Variants in ADRA1B observed in about 807,000 individuals in gnomAD.
The protein encoded by ADRA1B is adrenoceptor alpha 1B, also known as alpha-1B adrenergic receptor.
In ADRA1B, 17 loss-of-function variants were observed where a neutral mutation model predicts 17.9. The ratio of observed to expected loss-of-function variants is 0.95; its 90% CI spans 0.65 to 1.42. ADRA1B has a LOEUF of 1.42. Ranked by LOEUF, ADRA1B falls within the 40% of genes most tolerant of loss-of-function variation. The pLI is 0.00. For missense variants in ADRA1B, 681 were observed against 722.1 expected (o/e 0.94, Z 0.65); for synonymous variants, 366 against 327.6 (o/e 1.12, Z -1.27).
chr5:159,982,508 A>G, the ADRA1B span, among the ~76,000 whole-genome samples: 1 of 152,226 alleles, frequency 6.6e-6, no homozygotes, highest in African/African-American at 2.4e-5. Context: ...AATGAGGTAG[A>G]CATTATTACT....
intron 1 of ADRA1B, among the ~76,000 whole-genome samples, chr5:159,923,888 C>A (rs1169531869): frequency 2.6e-5 from 4 of 152,252 alleles, no homozygotes; most frequent in South Asian, 2.1e-4. Flanking sequence ...TGCCTAGAAA[C>A]CCCTGGAAAG....
intron 1 of ADRA1B, among the ~76,000 whole-genome samples, chr5:159,881,894 G>A (rs1753867161): frequency 6.6e-6 from 1 of 152,148 alleles, no homozygotes; most frequent in Non-Finnish European, 1.5e-5. Flanking sequence ...GAGCCATGAA[G>A]TCCTGGAAAG....
chr5:159,947,705 T>C, intron 1 of ADRA1B: 8 of 985,454 alleles, frequency 8.1e-6, no homozygotes, highest in Non-Finnish European at 9.6e-6. Context: ...AAAGGCTCTT[T>C]AAGCTTGAAG....
intron 1 of ADRA1B, chr5:159,955,007 C>G (rs537922914): frequency 5.3e-6 from 2 of 378,838 alleles, no homozygotes; most frequent in South Asian, 2.1e-4. Context: ...GACTGAGAAG[C>G]AAGATAAGGG....
the ADRA1B span, among the ~76,000 whole-genome samples, chr5:159,981,701 T>G: frequency 1.3e-5 from 2 of 152,202 alleles, no homozygotes; most frequent in Non-Finnish European, 2.9e-5. Flanking sequence ...TTTCACCACG[T>G]TAGCCAGGAT....
rs767215435 is a variant in ADRA1B, at chr5:159,971,962, C to A, written c.1033C>A (p.Pro345Thr). The change falls in exon 2 of 2, where the codon CCC becomes ACC. Residue 345 changes from proline to threonine, a missense_variant. Around this residue, in one of 3 missense-constraint regions of ADRA1B, gnomAD observed 424 missense variants for 480.2 expected, o/e 0.88. Transcript: ENST00000306675. ...GGGCTACTTCAACAGCTGCCTCAAC[C>A]CCATCATCTACCCATGCTCCAGCAA... is the stretch of plus-strand genomic sequence containing the variant. Reference protein sequence around the residue: ...WLGYFNSCLNPIIYPCSSKEF... With the variant: ...WLGYFNSCLNTIIYPCSSKEF... 1 of 1,473,512 alleles carries A rather than the reference C, an allele frequency of 6.8e-7. No individual in the cohort carries two copies. The highest frequency in any genetic ancestry group is 2.0e-5 in the Admixed American group (1 of 49,032). 91.3% of individuals were successfully genotyped at this position (1,473,512 alleles called of 1,614,324 possible).
rs184435513 is a variant in ADRA1B, at chr5:159,892,053, A to G, written c.-255-24066A>G. 1.7e-3 allele frequency among the ~76,000 whole-genome samples: 252 copies of G among 152,330 alleles called. 1 individual carries two copies. The highest frequency in any genetic ancestry group is 3.4e-3 in the Middle Eastern group (1 of 294). On this transcript the variant is annotated intron_variant, in intron 1 of 2. Coordinates refer to the ADRA1B transcript ENST00000641205. ...GGAGTTGGACATCAGCCTGGCCAAC[A>G]TGGTGAAACCCCACCTCTACTAAAA... is the stretch of plus-strand genomic sequence containing the variant.
chr5:159,987,321 G>T, the ADRA1B span, among the ~76,000 whole-genome samples: 1 of 152,232 alleles, frequency 6.6e-6, no homozygotes, highest in South Asian at 2.1e-4. Context: ...TCTCTCCTGC[G>T]GGCTCAGCGG....
At chr5:159,986,653 G>C in the ADRA1B span, among the ~76,000 whole-genome samples, 1 of 152,166 alleles carries the variant, frequency 6.6e-6, no homozygotes, top group Admixed American at 6.5e-5. Context: ...ATAGAAATAA[G>C]ACCCAGTAAT....
intron 1 of ADRA1B, chr5:159,950,403 CATGGGGG>C: frequency 1.0e-5 from 7 of 696,462 alleles, no homozygotes; most frequent in Middle Eastern, 3.8e-4. Flanking sequence ...GTCTCAGTGT[CATGGGGG>C]ACTGTGTGTG....
chr5:159,893,118 T>C (rs1480296680), intron 1 of ADRA1B, among the ~76,000 whole-genome samples: 2 of 152,226 alleles, frequency 1.3e-5, no homozygotes, highest in African/African-American at 4.8e-5. Context: ...TAATCAAACA[T>C]GTGTCATTGA....
chr5:159,940,384 A>G (rs555826506), intron 1 of ADRA1B, among the ~76,000 whole-genome samples: 1 of 152,294 alleles, frequency 6.6e-6, no homozygotes, highest in East Asian at 1.9e-4. Context: ...TCCAAGTGAC[A>G]TGTGATTACC....
intron 1 of ADRA1B, among the ~76,000 whole-genome samples, chr5:159,971,369 A>G (rs1755861945): frequency 6.6e-6 from 1 of 152,218 alleles, no homozygotes. Flanking sequence ...CCTAGATCAA[A>G]AAAATAGTCT....
chr5:159,883,737 T>C (rs1233225651), intron 1 of ADRA1B, among the ~76,000 whole-genome samples: 1 of 152,240 alleles, frequency 6.6e-6, no homozygotes, highest in Non-Finnish European at 1.5e-5. Flanking sequence ...AATTTATTTC[T>C]AAGAAGAGGG....
At chr5:159,904,777 G>T (rs78621331) in intron 1 of ADRA1B, among the ~76,000 whole-genome samples, 4,871 of 152,332 alleles carry the variant, frequency 0.032, 83 homozygotes, top group Middle Eastern at 0.071. Context: ...GTGAGTCCAT[G>T]ACTCTCTTCC....
intron 1 of ADRA1B, among the ~76,000 whole-genome samples, chr5:159,949,763 G>A (rs1045802106): frequency 4.8e-4 from 73 of 152,342 alleles, no homozygotes; most frequent in African/African-American, 1.6e-3. Flanking sequence ...CAGAGCAGAT[G>A]GACCGGCCGG....
chr5:159,926,268 C>G (rs2113183445), intron 1 of ADRA1B, among the ~76,000 whole-genome samples: 1 of 152,288 alleles, frequency 6.6e-6, no homozygotes, highest in Non-Finnish European at 1.5e-5. Context: ...TCTGCTGACA[C>G]CTTTCTCGCG....
At chr5:159,915,423 A>G (rs1227790676), upstream of ADRA1B, among the ~76,000 whole-genome samples, 1 of 152,250 alleles carries the variant, frequency 6.6e-6, no homozygotes, top group East Asian at 1.9e-4. Context: ...ATAAATGTGA[A>G]CTAACATAAA....
At chr5:159,986,831 A>C in the ADRA1B span, among the ~76,000 whole-genome samples, 4 of 152,260 alleles carry the variant, frequency 2.6e-5, no homozygotes, top group South Asian at 8.3e-4. Flanking sequence ...GATCCAGCTT[A>C]CATTGCCGGG....
Sources: gnomAD v4.1 joint callset for allele counts (sites outside exome capture counted in the v4.1 genomes callset) on GRCh38, gnomAD v4.1.1 for gene constraint, gnomAD v4.1.1 regional missense constraint, MANE v1.5 for transcripts, NCBI Gene and HGNC (gene_info 2026-07-23, HGNC 2026-07-21) for gene names.